PON3: variants seen among roughly 807,000 people sequenced by gnomAD.
The protein encoded by PON3 is paraoxonase 3.
A neutral mutation model predicts 36.3 loss-of-function variants in PON3; 37 were observed. That is an observed-to-expected ratio of 1.02 (90% CI 0.78 to 1.34). The LOEUF (loss-of-function observed/expected upper bound fraction) is 1.34, where lower values mean the gene tolerates loss of function less well. Among genes scored for constraint, PON3 ranks in the 40% most tolerant of loss-of-function variants. PON3 has a pLI of 0.00. For missense variants in PON3, 415 were observed against 426.5 expected, an observed-to-expected ratio of 0.97 and a Z score of 0.24; for synonymous variants, 155 against 154.8, an observed-to-expected ratio of 1.00 and a Z score of -0.01.
At chr7:95,381,660 A>T (rs1809057464) in intron 3 of PON3, among the ~76,000 whole-genome samples, 2 of 152,220 alleles carry the variant, frequency 1.3e-5, no homozygotes, top group South Asian at 4.1e-4. Flanking sequence ...TAACTATCCT[A>T]AATATATATG....
Position 95,367,354 on chromosome 7 carries a change from T to C in PON3, c.494+8A>G. 1 of 1,611,354 alleles carries C rather than the reference T, an allele frequency of 6.2e-7. No homozygotes were observed. Among genetic ancestry groups the C allele is most frequent in the Non-Finnish European group, 8.5e-7 (1 of 1,179,540 alleles). ...TAAATAGAACCGCACAATACTTTCATTCCATACCTTTTGAGAAGTTCATGT... is the reference window on the plus strand; with the variant it reads ...TAAATAGAACCGCACAATACTTTCACTCCATACCTTTTGAGAAGTTCATGT... On this transcript the variant is annotated splice_region_variant and intron_variant, in intron 5 of 8. Coordinates refer to ENST00000265627, the MANE Select transcript of PON3 (RefSeq NM_000940.3).
intron 1 of PON3, among the ~76,000 whole-genome samples, chr7:95,395,158 A>AATT (rs1420792052): frequency 1.3e-5 from 2 of 152,174 alleles, no homozygotes; most frequent in African/African-American, 4.8e-5. Context: ...GTCTCCTAAT[A>AATT]GTCAAACTCT....
chr7:95,362,613 G>C, intron 7 of PON3, 123 bp from the exon 8 acceptor site: 3 of 1,474,766 alleles, frequency 2.0e-6, no homozygotes, highest in Non-Finnish European at 2.8e-6. Flanking sequence ...AGGGGGCTTT[G>C]CTTCTGTATT....
intron 3 of PON3, 57 bp from the exon 4 acceptor site, chr7:95,372,395 T>TAAGG: frequency 6.4e-7 from 1 of 1,558,816 alleles, no homozygotes; most frequent in Non-Finnish European, 8.8e-7. Context: ...AATATTTTCA[T>TAAGG]AAGGAATTTA....
At chr7:95,382,476 A>G (rs1344074691) in intron 3 of PON3, among the ~76,000 whole-genome samples, 1 of 152,210 alleles carries the variant, frequency 6.6e-6, no homozygotes, top group Non-Finnish European at 1.5e-5. Context: ...AAAGAAGAAA[A>G]GAGAGAAGAA....
At chr7:95,376,789 C>T (rs1192485733) in intron 3 of PON3, among the ~76,000 whole-genome samples, 1 of 152,068 alleles carries the variant, frequency 6.6e-6, no homozygotes, top group African/African-American at 2.4e-5. Context: ...TCCAAGATGG[C>T]GGAATAGGAA....
intron 8 of PON3, among the ~76,000 whole-genome samples, chr7:95,360,442 C>T (rs1808542535): frequency 6.6e-6 from 1 of 152,138 alleles, no homozygotes; most frequent in Non-Finnish European, 1.5e-5. Context: ...GGTCCTCCCT[C>T]TGTGGGAAGA....
At chr7:95,373,452 C>T (rs1808851870) in intron 3 of PON3, among the ~76,000 whole-genome samples, 1 of 152,180 alleles carries the variant, frequency 6.6e-6, no homozygotes, top group Non-Finnish European at 1.5e-5. Flanking sequence ...TCCCAGACAA[C>T]ACCGGCACTA....
chr7:95,376,834 C>T (rs188166052), intron 3 of PON3, among the ~76,000 whole-genome samples: 39 of 152,326 alleles, frequency 2.6e-4, no homozygotes, highest in Non-Finnish European at 4.4e-5. Flanking sequence ...GAGATCAACA[C>T]AGAAGACAGG....
intron 3 of PON3, among the ~76,000 whole-genome samples, chr7:95,373,521 G>A (rs1390727026): frequency 2.0e-5 from 3 of 152,142 alleles, no homozygotes; most frequent in African/African-American, 7.2e-5. Flanking sequence ...CAGCACATCT[G>A]GAGAAGGGAT....
intron 3 of PON3, among the ~76,000 whole-genome samples, chr7:95,377,005 G>A (rs1013879570): frequency 5.3e-5 from 8 of 152,212 alleles, no homozygotes; most frequent in African/African-American, 1.4e-4. Context: ...AAGGGAAGCC[G>A]TGACAGTCTG....
intron 4 of PON3, among the ~76,000 whole-genome samples, chr7:95,368,784 T>A (rs1445985840): frequency 7.1e-6 from 1 of 140,664 alleles, no homozygotes; most frequent in Non-Finnish European, 1.5e-5. Flanking sequence ...TATAAACATG[T>A]CCCATCTCAA....
Position 95,382,397 on chromosome 7 carries a change from A to G in PON3, c.201+7757T>C, listed in dbSNP as rs965370020. ...TAGAGACACAAAAAACCCTTCAAAA[A>G]ATCAATGAATCCAGGAGCTGGTATT... On this transcript the variant is annotated intron_variant, in intron 3 of 8. Coordinates refer to ENST00000265627, the MANE Select transcript of PON3 (RefSeq NM_000940.3). Among the ~76,000 whole-genome samples, 43 of 152,308 alleles carry G rather than the reference A, an allele frequency of 2.8e-4. 1 individual carries two copies. Among genetic ancestry groups the G allele is most frequent in the African/African-American group, 1.0e-3 (42 of 41,550 alleles).
At chr7:95,383,095 T>C (rs1321239921) in intron 3 of PON3, among the ~76,000 whole-genome samples, 1 of 151,980 alleles carries the variant, frequency 6.6e-6, no homozygotes, top group Admixed American at 6.6e-5. Flanking sequence ...GAACTGAAGA[T>C]AAAAACCACA....
intron 5 of PON3, chr7:95,365,046 T>C (rs1808661058): frequency 6.6e-6 from 1 of 152,220 alleles, no homozygotes; most frequent in African/African-American, 2.4e-5. Context: ...ACTCACCTTT[T>C]GTATCTCAGC....
chr7:95,369,103 A>G (rs1808756680), intron 4 of PON3, among the ~76,000 whole-genome samples: 1 of 152,232 alleles, frequency 6.6e-6, no homozygotes. Context: ...GTCACACTTC[A>G]CTGCATTCCT....
At chr7:95,374,879 C>T (rs1271693786) in intron 3 of PON3, among the ~76,000 whole-genome samples, 2 of 151,966 alleles carry the variant, frequency 1.3e-5, no homozygotes, top group East Asian at 3.9e-4. Flanking sequence ...TTATCGATCC[C>T]TCCTCCCTTC....
At chr7:95,388,930 G>A (rs1297086851) in intron 3 of PON3, among the ~76,000 whole-genome samples, 1 of 152,094 alleles carries the variant, frequency 6.6e-6, no homozygotes, top group East Asian at 1.9e-4. Context: ...CACACACTGG[G>A]GCCTGTCAGG....
intron 3 of PON3, among the ~76,000 whole-genome samples, chr7:95,384,718 G>T (rs753556366): frequency 5.1e-4 from 78 of 152,176 alleles, no homozygotes; most frequent in Non-Finnish European, 9.4e-4. Flanking sequence ...GAGAGGATAT[G>T]GAGAAATAGG....
Sources: allele counts gnomAD v4.1 joint callset (sites outside exome capture counted in the v4.1 genomes callset), GRCh38; gene constraint gnomAD v4.1.1; transcripts MANE v1.5; gene names NCBI Gene and HGNC (gene_info 2026-07-23, HGNC 2026-07-21).